TAFA2: variants seen among roughly 807,000 people sequenced by gnomAD.
TAFA2 encodes chemokine-like protein TAFA-2.
In TAFA2, 7 loss-of-function variants were observed where a neutral mutation model predicts 18.8. The ratio of observed to expected loss-of-function variants is 0.37; its 90% CI spans 0.21 to 0.70. The LOEUF is 0.70. TAFA2 is among the 30% of genes least tolerant of loss of function. The pLI is 0.53. For missense variants in TAFA2, 122 were observed against 158.1 expected, an observed-to-expected ratio of 0.77 and a Z score of 1.23; for synonymous variants, 60 against 54.2, an observed-to-expected ratio of 1.11 and a Z score of -0.47.
intron 1 of TAFA2, among the ~76,000 whole-genome samples, chr12:61,988,173 C>T (rs1048732525): frequency 2.0e-5 from 3 of 151,982 alleles, no homozygotes; most frequent in Admixed American, 1.3e-4. Context: ...TGGGAGGATG[C>T]CTTTCTCATG....
chr12:62,167,654 T>C (rs2062449549), intron 1 of TAFA2, among the ~76,000 whole-genome samples: 1 of 152,216 alleles, frequency 6.6e-6, no homozygotes, highest in Non-Finnish European at 1.5e-5. Flanking sequence ...ATCCTAGTAC[T>C]ATACACTGGA....
At chr12:62,194,340 T>C (rs2062640305), upstream of TAFA2, among the ~76,000 whole-genome samples, 1 of 136,296 alleles carries the variant, frequency 7.3e-6, no homozygotes, top group African/African-American at 2.7e-5. Flanking sequence ...CAAAAAAACA[T>C]AAAGCATACA....
At chr12:61,894,489 C>T (rs1875759414) in intron 1 of TAFA2, among the ~76,000 whole-genome samples, 1 of 152,162 alleles carries the variant, frequency 6.6e-6, no homozygotes, top group Non-Finnish European at 1.5e-5. Flanking sequence ...AGCAAAGAGA[C>T]AGTGCTACAT....
chr12:61,898,710 G>A (rs1254833346), intron 1 of TAFA2, among the ~76,000 whole-genome samples: 1 of 152,152 alleles, frequency 6.6e-6, no homozygotes, highest in Non-Finnish European at 1.5e-5. Context: ...GGCCAGTGAT[G>A]GGAGGGCCTG....
At chr12:62,096,231 C>T (rs1868942797) in intron 1 of TAFA2, among the ~76,000 whole-genome samples, 1 of 152,046 alleles carries the variant, frequency 6.6e-6, no homozygotes, top group Admixed American at 6.6e-5. Flanking sequence ...GTCTTGGTGC[C>T]AGAGATGTTG....
intron 1 of TAFA2, among the ~76,000 whole-genome samples, chr12:61,896,808 A>T (rs763386470): frequency 3.5e-4 from 53 of 152,160 alleles, no homozygotes; most frequent in Non-Finnish European, 5.9e-4. Flanking sequence ...GAGACCCTGG[A>T]ACCTAAATTT....
chr12:61,995,900 A>T (rs993832349), intron 1 of TAFA2, among the ~76,000 whole-genome samples: 1 of 152,088 alleles, frequency 6.6e-6, no homozygotes, highest in African/African-American at 2.4e-5. Context: ...ATATTCTGTA[A>T]ATATACAAAA....
At chr12:61,879,850 G>C in intron 1 of TAFA2, 3 of 1,088,624 alleles carry the variant, frequency 2.8e-6, no homozygotes, top group Non-Finnish European at 4.2e-6. Context: ...AGGACTTCAA[G>C]AAGAAGTACC....
chr12:61,909,666 G>T (rs1435711684), intron 1 of TAFA2, among the ~76,000 whole-genome samples: 1 of 152,162 alleles, frequency 6.6e-6, no homozygotes, highest in Non-Finnish European at 1.5e-5. Context: ...GCACTAAAGG[G>T]ATAGGAAATT....
intron 1 of TAFA2, among the ~76,000 whole-genome samples, chr12:62,132,987 A>G (rs912281505): frequency 1.3e-5 from 2 of 152,012 alleles, no homozygotes; most frequent in Admixed American, 6.6e-5. Context: ...AATATTGTCC[A>G]GAAGCACATT....
intron 2 of TAFA2, among the ~76,000 whole-genome samples, chr12:61,780,841 TTAAA>T (rs769722124): frequency 2.0e-5 from 3 of 151,816 alleles, no homozygotes; most frequent in Admixed American, 6.6e-5. Flanking sequence ...TGCAACGGTC[TTAAA>T]TAAAGTCTTC....
chr12:62,208,058 A>G (rs2062699453), intron 1 of TAFA2, among the ~76,000 whole-genome samples: 1 of 152,164 alleles, frequency 6.6e-6, no homozygotes. Context: ...TGCTTGTTGA[A>G]TTCAGAGACC....
chr12:61,807,048 A>C (rs913046815), intron 2 of TAFA2, among the ~76,000 whole-genome samples: 1 of 146,356 alleles, frequency 6.8e-6, no homozygotes, highest in Non-Finnish European at 1.5e-5. Flanking sequence ...CATAAGTAAC[A>C]AGGAGCCAAA....
intron 2 of TAFA2, among the ~76,000 whole-genome samples, chr12:61,802,001 A>G (rs897497314): frequency 6.6e-6 from 1 of 152,148 alleles, no homozygotes; most frequent in African/African-American, 2.4e-5. Context: ...GCCAACAAGT[A>G]TACTTTTAAA....
At chr12:62,040,276 C>T (rs1381326322) in intron 1 of TAFA2, among the ~76,000 whole-genome samples, 1 of 152,022 alleles carries the variant, frequency 6.6e-6, no homozygotes, top group African/African-American at 2.4e-5. Context: ...AGGTCAGAAC[C>T]TTTGGGAATA....
chr12:62,191,017 G>T (rs1180563521), intron 1 of TAFA2, among the ~76,000 whole-genome samples: 1 of 152,072 alleles, frequency 6.6e-6, no homozygotes, highest in East Asian at 1.9e-4. Flanking sequence ...CGCATGCTCC[G>T]ATCCCCTCTC....
At chr12:61,852,000 G>A (rs1045701157) in intron 2 of TAFA2, among the ~76,000 whole-genome samples, 5 of 151,764 alleles carry the variant, frequency 3.3e-5, no homozygotes, top group Admixed American at 1.3e-4. Flanking sequence ...CTGAGGTCAG[G>A]AGTTCGAGAC....
intron 2 of TAFA2, among the ~76,000 whole-genome samples, chr12:61,820,927 G>A (rs1369327283): frequency 6.6e-6 from 1 of 151,930 alleles, no homozygotes; most frequent in African/African-American, 2.4e-5. Flanking sequence ...GATTACATTG[G>A]ACAGGTGTAT....
intron 1 of TAFA2, among the ~76,000 whole-genome samples, chr12:62,232,935 C>A (rs939294878): frequency 6.6e-6 from 1 of 152,040 alleles, no homozygotes; most frequent in African/African-American, 2.4e-5. Flanking sequence ...ACCCCACCTC[C>A]TTTTATCTGC....
Sources: gnomAD v4.1 joint callset for allele counts (sites outside exome capture counted in the v4.1 genomes callset) on GRCh38, gnomAD v4.1.1 for gene constraint, MANE v1.5 for transcripts, NCBI Gene and HGNC (gene_info 2026-07-23, HGNC 2026-07-21) for gene names.